The following OARD1 variants were observed in gnomAD, a reference collection of about 807,000 sequenced individuals.
OARD1 encodes ADP-ribose glycohydrolase OARD1.
Under a neutral mutation model 19.7 loss-of-function variants are expected in OARD1, and 19 were observed. That is an observed-to-expected ratio of 0.96 (90% CI 0.67 to 1.41). The LOEUF (loss-of-function observed/expected upper bound fraction) is 1.41. OARD1 is among the 40% of genes most tolerant of loss of function. The pLI is 0.00. For synonymous variants in OARD1, 70 were observed against 61.8 expected, an observed-to-expected ratio of 1.13 and a Z score of -0.62; for missense variants, 190 against 183.8, an observed-to-expected ratio of 1.03 and a Z score of -0.20.
chr6:41,083,885 A>T (rs898320735), intron 1 of OARD1, among the ~76,000 whole-genome samples: 1 of 152,236 alleles, frequency 6.6e-6, no homozygotes, highest in East Asian at 1.9e-4. Context: ...GGATTCATAG[A>T]TATTTAAAGA....
At chr6:41,090,634 T>G (rs1764175402) in intron 1 of OARD1, among the ~76,000 whole-genome samples, 1 of 152,236 alleles carries the variant, frequency 6.6e-6, no homozygotes, top group African/African-American at 2.4e-5. Flanking sequence ...CAAGTTGGCT[T>G]TAGAGTGCTA....
At chr6:41,070,052 A>T (rs1763247927) in intron 4 of OARD1, 24 bp downstream of exon 4, 2 of 1,460,866 alleles carry the variant, frequency 1.4e-6, no homozygotes, top group Non-Finnish European at 1.9e-6. Context: ...GCCCTGAAAA[A>T]AAAAGGAATT....
chr6:41,080,774 C>G (rs776719481), intron 1 of OARD1: 2 of 1,554,060 alleles, frequency 1.3e-6, no homozygotes, highest in African/African-American at 1.4e-5. Context: ...CATTTCCTTC[C>G]TGACATATTT....
At position 41,092,320 on chromosome 6, in the gene OARD1, A is replaced by T. The variant is rs543129469; in HGVS notation, c.-42+5393T>A. ...TCCAGGAGGATGGCTTAAGTCCAGG[A>T]GTTTGAGCTCAGCCTGGGCAATGTA... On this transcript the variant is annotated intron_variant, in intron 1 of 4. Transcript: ENST00000480585. Among the ~76,000 whole-genome samples, 9 of 152,334 alleles carry T rather than the reference A, an allele frequency of 5.9e-5. No homozygotes were observed. In the South Asian group the frequency reaches 1.7e-3, roughly 28 times the overall value.
intron 1 of OARD1, chr6:41,079,211 A>G (rs1346786953): frequency 6.4e-7 from 1 of 1,550,548 alleles, no homozygotes; most frequent in Non-Finnish European, 8.9e-7. Context: ...GAAACTGATA[A>G]CAGCACCACT....
upstream of OARD1, among the ~76,000 whole-genome samples, chr6:41,074,668 G>A (rs1171495266): frequency 6.6e-6 from 1 of 152,176 alleles, no homozygotes; most frequent in East Asian, 1.9e-4. Context: ...AGTTTAGGGG[G>A]GAAAGCCCAG....
chr6:41,068,912 G>T lies in OARD1; in HGVS notation c.285C>A (p.Asn95Lys), dbSNP rs1372759618. ...TCATTGCCTCTAAACTCTTCTGTAAGTTTTCATAAGTTGGCTTGTGCGAAG... is the reference window on the plus strand; with the variant it reads ...TCATTGCCTCTAAACTCTTCTGTAATTTTTCATAAGTTGGCTTGTGCGAAG... ...KRASHKPTYE[N>K]LQKSLEAMKS... The change falls in exon 5 of 6, where the codon AAC becomes AAA. Residue 95 changes from asparagine to lysine, a missense_variant. Transcript: ENST00000424266. 6.2e-7 allele frequency: 1 copy of T among 1,610,068 alleles called. No individual in the cohort carries two copies. The highest frequency in any genetic ancestry group is 1.1e-5 in the South Asian group (1 of 90,168).
At chr6:41,073,346 G>A (rs1256751748), upstream of OARD1, among the ~76,000 whole-genome samples, 1 of 151,826 alleles carries the variant, frequency 6.6e-6, no homozygotes, top group Non-Finnish European at 1.5e-5. Context: ...ACCCTCGCAG[G>A]GTGCCAGGGC....
intron 1 of OARD1, among the ~76,000 whole-genome samples, chr6:41,077,925 G>C: frequency 6.6e-6 from 1 of 152,002 alleles, no homozygotes. Flanking sequence ...TAATGGGGTT[G>C]ATTAATTTTT....
chr6:41,076,908 A>T (rs528080188), upstream of OARD1, among the ~76,000 whole-genome samples: 1 of 152,228 alleles, frequency 6.6e-6, no homozygotes, highest in Non-Finnish European at 1.5e-5. Context: ...ATACAGGCTA[A>T]ATCACTCTGT....
chr6:41,093,809 G>A (rs6932411), intron 1 of OARD1, among the ~76,000 whole-genome samples: 17,644 of 152,214 alleles, frequency 0.12, 2,572 homozygotes, highest in African/African-American at 0.34. Context: ...AAGAAGTTGT[G>A]TACCTTCCAC....
intron 4 of OARD1, 132 bp downstream of exon 4, chr6:41,069,944 T>C (rs1582002407): frequency 2.7e-6 from 2 of 754,554 alleles, no homozygotes; most frequent in East Asian, 2.5e-5. Context: ...GATAGGAAGC[T>C]TTTTGACATT....
intron 1 of OARD1, among the ~76,000 whole-genome samples, chr6:41,084,511 A>G (rs971585910): frequency 2.0e-5 from 3 of 152,266 alleles, no homozygotes; most frequent in Non-Finnish European, 4.4e-5. Context: ...AAAAATAACA[A>G]AACGAGCAAA....
chr6:41,076,563 A>C (rs1182345080), upstream of OARD1, among the ~76,000 whole-genome samples: 2 of 152,216 alleles, frequency 1.3e-5, no homozygotes, highest in African/African-American at 2.4e-5. Context: ...TGGTTGGCTA[A>C]GTCTCAGCTT....
In OARD1 at chr6:41,067,176, T is replaced by C; in HGVS notation, c.*159A>G. On this transcript the variant is annotated 3_prime_UTR_variant, in exon 6 of 6. Coordinates refer to ENST00000424266, the MANE Select transcript of OARD1 (RefSeq NM_001329686.2). ...TTAAGCAAGCCCTCCTCCACAGTCA[T>C]AATCCAAATACTTGAATACAGCAAC... The C allele has an allele frequency of 2.1e-6, 1 of 478,284 alleles. No homozygotes were observed. The highest frequency in any genetic ancestry group is 3.9e-6 in the Non-Finnish European group (1 of 258,018). The allele number at this position is 478,284 out of a possible 1,614,324, so 29.6% of individuals were successfully genotyped here. A position where few individuals can be genotyped will look rare whatever the true frequency, so the allele number is the denominator to read the frequency against.
chr6:41,096,650 C>T (rs1417976038), intron 1 of OARD1, among the ~76,000 whole-genome samples: 3 of 152,208 alleles, frequency 2.0e-5, no homozygotes, highest in African/African-American at 7.2e-5. Flanking sequence ...ATCCTGCCTA[C>T]CAAGGCTTCA....
chr6:41,092,316 C>G (rs780902968), intron 1 of OARD1, among the ~76,000 whole-genome samples: 8 of 152,166 alleles, frequency 5.3e-5, no homozygotes, highest in Non-Finnish European at 1.2e-4. Flanking sequence ...GGCTTAAGTC[C>G]AGGAGTTTGA....
Position 41,071,186 on chromosome 6 carries a change from T to C in OARD1, c.130A>G (p.Ile44Val), listed in dbSNP as rs1375654637. 1 of 1,614,198 alleles carries C rather than the reference T, an allele frequency of 6.2e-7. No individual in the cohort carries two copies. The highest frequency in any genetic ancestry group is 1.1e-5 in the South Asian group (1 of 91,080). The change falls in exon 3 of 6, where the codon ATA becomes GTA. Residue 44 changes from isoleucine (I) to valine (V), a missense_variant. Physicochemically the swap from Ile to Val is conservative, Grantham distance 29 (BLOSUM62 3). Coordinates refer to ENST00000424266, the MANE Select transcript of OARD1 (RefSeq NM_001329686.2). ...AATTTCTTCTTAAAGAGGACAGCTA[T>C]CCCAGCGCCCATGCGACAATCCTCA... ...ISEDCRMGAG[I>V]AVLFKKKFGG...
upstream of OARD1, chr6:41,072,579 G>GT (rs1432309875): frequency 3.9e-5 from 6 of 152,474 alleles, no homozygotes; most frequent in East Asian, 9.6e-4. Context: ...AAATTCCGTG[G>GT]TTTCCCGCCG....
Sources: gnomAD v4.1 joint callset for allele counts (sites outside exome capture counted in the v4.1 genomes callset) on GRCh38, gnomAD v4.1.1 for gene constraint, MANE v1.5 for transcripts, NCBI Gene and HGNC (gene_info 2026-07-23, HGNC 2026-07-21) for gene names.